EIF4G3: variants seen among roughly 807,000 people sequenced by gnomAD.
EIF4G3 encodes eukaryotic translation initiation factor 4 gamma 3.
A neutral mutation model predicts 186.4 loss-of-function variants in EIF4G3; 34 were observed. That is an observed-to-expected ratio of 0.18 (90% CI 0.14 to 0.24). EIF4G3 has a LOEUF of 0.24. Among genes scored for constraint, EIF4G3 ranks in the 10% least tolerant of loss-of-function variants. EIF4G3 has a pLI of 1.00. For synonymous variants in EIF4G3, 673 were observed against 679.5 expected (o/e 0.99, Z 0.15); for missense variants, 1,536 against 1,948.5 (o/e 0.79, Z 3.99).
chr1:21,030,763 T>C (rs971475341), intron 4 of EIF4G3, among the ~76,000 whole-genome samples: 1 of 152,254 alleles, frequency 6.6e-6, no homozygotes, highest in Non-Finnish European at 1.5e-5. Context: ...GAAACTATGT[T>C]TCAAGTGCTC....
intron 4 of EIF4G3, among the ~76,000 whole-genome samples, chr1:21,046,442 G>A (rs1214088004): frequency 6.6e-6 from 1 of 152,226 alleles, no homozygotes; most frequent in Non-Finnish European, 1.5e-5. Context: ...AGCAGGTAAT[G>A]AGATTGCAGA....
chr1:20,984,831 G>A (rs1292838865), intron 7 of EIF4G3, among the ~76,000 whole-genome samples: 1 of 151,890 alleles, frequency 6.6e-6, no homozygotes, highest in Non-Finnish European at 1.5e-5. Flanking sequence ...CTCGTGATCC[G>A]CCCGCCTCGG....
At chr1:21,060,384 T>A (rs1212461176) in intron 3 of EIF4G3, among the ~76,000 whole-genome samples, 2 of 152,228 alleles carry the variant, frequency 1.3e-5, no homozygotes, top group Non-Finnish European at 2.9e-5. Flanking sequence ...AGGTAATTTA[T>A]CAGTTATCTG....
At chr1:21,019,508 C>G (rs986750524) in intron 4 of EIF4G3, among the ~76,000 whole-genome samples, 11 of 152,064 alleles carry the variant, frequency 7.2e-5, no homozygotes, top group African/African-American at 2.4e-4. Flanking sequence ...AACATGATGC[C>G]TTTTTTATGT....
chr1:21,142,130 A>G (rs1035627587), intron 2 of EIF4G3, among the ~76,000 whole-genome samples: 2 of 152,086 alleles, frequency 1.3e-5, no homozygotes, highest in African/African-American at 4.8e-5. Context: ...GGATCACTTG[A>G]GTCCAGGCAT....
chr1:20,949,009 T>C (rs1189528137), intron 13 of EIF4G3, among the ~76,000 whole-genome samples: 1 of 141,156 alleles, frequency 7.1e-6, no homozygotes, highest in Non-Finnish European at 1.5e-5. Flanking sequence ...TTTTAGAAAA[T>C]CTATATACTA....
intron 16 of EIF4G3, among the ~76,000 whole-genome samples, chr1:20,897,275 C>T (rs894820564): frequency 2.6e-5 from 4 of 151,892 alleles, no homozygotes. Flanking sequence ...TGTAATAATC[C>T]TCATTAAATA....
chr1:21,134,562 C>T (rs1489745876), intron 2 of EIF4G3, among the ~76,000 whole-genome samples: 1 of 152,078 alleles, frequency 6.6e-6, no homozygotes, highest in Non-Finnish European at 1.5e-5. Flanking sequence ...CCCAGCTACT[C>T]GGGCGCTGAT....
intron 14 of EIF4G3, among the ~76,000 whole-genome samples, chr1:20,910,104 T>G (rs2092954363): frequency 6.6e-6 from 1 of 152,160 alleles, no homozygotes; most frequent in East Asian, 1.9e-4. Flanking sequence ...TAAATTTTGA[T>G]TAAGTGGTTA....
intron 16 of EIF4G3, among the ~76,000 whole-genome samples, chr1:20,897,759 T>C (rs1177743119): frequency 6.6e-6 from 1 of 152,082 alleles, no homozygotes; most frequent in African/African-American, 2.4e-5. Flanking sequence ...ACTGTTTTTT[T>C]TCCAATGACT....
At chr1:21,172,775 C>G (rs2098009325) in intron 2 of EIF4G3, among the ~76,000 whole-genome samples, 1 of 149,368 alleles carries the variant, frequency 6.7e-6, no homozygotes, top group Non-Finnish European at 1.5e-5. Context: ...GTCTCGATCT[C>G]CTGATCTCAT....
At chr1:20,820,950 A>C (rs371535256) in intron 33 of EIF4G3, among the ~76,000 whole-genome samples, 3 of 151,992 alleles carry the variant, frequency 2.0e-5, no homozygotes, top group African/African-American at 7.2e-5. Context: ...CAACCTGCCT[A>C]CTAGAGAGGA....
At chr1:20,952,955 G>A (rs187617495) in intron 12 of EIF4G3, among the ~76,000 whole-genome samples, 54 of 152,228 alleles carry the variant, frequency 3.5e-4, no homozygotes, top group Non-Finnish European at 6.6e-4. Flanking sequence ...TAATCAATAA[G>A]TCAGAAAAAT....
chr1:21,068,012 C>G (rs116298701), intron 3 of EIF4G3, among the ~76,000 whole-genome samples: 2,889 of 152,130 alleles, frequency 0.019, 76 homozygotes, highest in African/African-American at 0.059. Context: ...TACCTTTCAT[C>G]AGATTTTCAA....
At chr1:20,978,787 G>A (rs189647520) in intron 10 of EIF4G3, among the ~76,000 whole-genome samples, 3 of 151,820 alleles carry the variant, frequency 2.0e-5, no homozygotes, top group East Asian at 1.9e-4. Context: ...AGGGTATTGC[G>A]TATCACTTTG....
rs530664859 is a variant in EIF4G3, at chr1:20,983,268, A to C, written c.178-860T>G. 2.1e-3 allele frequency among the ~76,000 whole-genome samples: 322 copies of C among 152,328 alleles called. 3 individuals are homozygous for C. The highest frequency in any genetic ancestry group is 6.8e-3 in the Middle Eastern group (2 of 294). On this transcript the variant is annotated intron_variant, in intron 7 of 36. Coordinates refer to ENST00000602326, the MANE Select transcript of EIF4G3 (RefSeq NM_001391906.1). ...GCAGGAGAACGGAATAAATGGGGGAAACCAAAGGGGCAGGCCACAGAGAGT... is the reference window on the plus strand; with the variant it reads ...GCAGGAGAACGGAATAAATGGGGGACACCAAAGGGGCAGGCCACAGAGAGT...
intron 14 of EIF4G3, among the ~76,000 whole-genome samples, chr1:20,910,720 C>A (rs376441135): frequency 1.3e-5 from 2 of 152,112 alleles, no homozygotes; most frequent in African/African-American, 4.8e-5. Context: ...TTTTTATGAG[C>A]CACTTCTAGT....
intron 24 of EIF4G3, among the ~76,000 whole-genome samples, chr1:20,859,012 G>A (rs1442914207): frequency 6.6e-6 from 1 of 152,060 alleles, no homozygotes; most frequent in Non-Finnish European, 1.5e-5. Context: ...AATACTTGCT[G>A]AATGAATTAA....
intron 2 of EIF4G3, among the ~76,000 whole-genome samples, chr1:21,097,738 T>C (rs1180118146): frequency 6.6e-6 from 1 of 152,168 alleles, no homozygotes; most frequent in Non-Finnish European, 1.5e-5. Flanking sequence ...CAAATGGTGC[T>C]GAAACAACTG....
Sources: gnomAD v4.1 joint callset for allele counts (sites outside exome capture counted in the v4.1 genomes callset) on GRCh38, gnomAD v4.1.1 for gene constraint, MANE v1.5 for transcripts, NCBI Gene and HGNC (gene_info 2026-07-23, HGNC 2026-07-21) for gene names.